Variants in TAB3 observed in about 807,000 individuals in gnomAD.
The protein encoded by TAB3 is TGF-beta activated kinase 1 (MAP3K7) binding protein 3, also known as TGF-beta-activated kinase 1 and MAP3K7-binding protein 3.
A neutral mutation model predicts 48.1 loss-of-function variants in TAB3; 18 were observed. The observed-to-expected ratio is 0.37, with a 90% confidence interval of 0.26 to 0.55. TAB3 has a LOEUF of 0.55. Ranked by LOEUF, TAB3 falls within the 20% of genes least tolerant of loss-of-function variation. The probability of loss-of-function intolerance (pLI) is 0.78; values close to 1 mark genes in which losing one functional copy is unlikely to be tolerated. For synonymous variants in TAB3, 185 were observed against 190.2 expected (o/e 0.97, Z 0.22); for missense variants, 414 against 549.8 (o/e 0.75, Z 2.47).
At chrX:30,831,884 AAG>A (rs956319293) in intron 10 of TAB3, among the ~76,000 whole-genome samples, 4 of 112,087 alleles carry the variant, frequency 3.6e-5, no homozygotes, top group Non-Finnish European at 7.5e-5. Context: ...AATGAAGAAA[AAG>A]AGAAATGTTT....
chrX:30,839,974 A>T (rs1051001647), intron 9 of TAB3, among the ~76,000 whole-genome samples: 12 of 102,452 alleles, frequency 1.2e-4, no homozygotes, highest in Non-Finnish European at 2.4e-4. Context: ...ACACTTACTA[A>T]TATTTACTGT....
chrX:30,841,298 C>T (rs954900914), intron 9 of TAB3, among the ~76,000 whole-genome samples: 2 of 110,381 alleles, frequency 1.8e-5, no homozygotes, highest in South Asian at 7.8e-4. Context: ...GTGGGTAATC[C>T]CAGCTACTTG....
chrX:30,831,546 G>A lies in TAB3; in HGVS notation c.2020C>T (p.Arg674Trp), dbSNP rs374974237. The A allele has an allele frequency of 9.2e-5, 111 of 1,209,238 alleles. No individual in the cohort carries two copies. Among genetic ancestry groups the A allele is most frequent in the Middle Eastern group, 2.3e-4 (1 of 4,352 alleles). ...TAGTCTTCATCTCGAGGTTGTGTCC[G>A]AGGACTTTGTGTGGAGCCAGTTCGA... ...EHRTGSTQSP[R>W]TQPRDEDYEG... Residue 674 changes from arginine to tryptophan, a missense_variant, in exon 11 of 11, where the codon CGG becomes TGG. Arg to Trp is a moderately radical substitution (Grantham distance 101, BLOSUM62 -3). Coordinates refer to ENST00000288422, the MANE Select transcript of TAB3 (RefSeq NM_152787.5).
At chrX:30,858,782 TTC>T (rs1010372732) in intron 5 of TAB3, among the ~76,000 whole-genome samples, 1 of 111,857 alleles carries the variant, frequency 8.9e-6, no homozygotes, top group African/African-American at 3.3e-5. Context: ...GTAGGCCAAC[TTC>T]TCTGTTTGTT....
chrX:30,868,592 G>T (rs866141487), intron 2 of TAB3, among the ~76,000 whole-genome samples: 4 of 61,525 alleles, frequency 6.5e-5, no homozygotes, highest in East Asian at 4.8e-4. Context: ...TATATAGAGA[G>T]AGAGAGAGAG....
rs1338563234 is a variant in TAB3, at chrX:30,830,592, A to C, written c.*835T>G. On this transcript the variant is annotated 3_prime_UTR_variant, in exon 11 of 11. Coordinates refer to ENST00000288422, the MANE Select transcript of TAB3 (RefSeq NM_152787.5). ...CAAAGCGCAGTTTTACGAGAATATC[A>C]TTTATAAAATCATACTTTGTAAGGA... 1 of 112,544 alleles carries C rather than the reference A, an allele frequency of 8.9e-6. No individual in the cohort carries two copies. Among genetic ancestry groups the C allele is most frequent in the East Asian group, 2.8e-4 (1 of 3,591 alleles). The allele number at this position is 112,544 out of a possible 1,213,427, so 9.3% of individuals were successfully genotyped here.
At chrX:30,873,673 G>A (rs1033698493) in intron 1 of TAB3, among the ~76,000 whole-genome samples, 13 of 111,639 alleles carry the variant, frequency 1.2e-4, no homozygotes, top group Non-Finnish European at 1.9e-5. Context: ...AGATGACAAC[G>A]ATGAAGACCT....
At chrX:30,860,723 C>A (rs1223614505) in intron 4 of TAB3, among the ~76,000 whole-genome samples, 2 of 111,767 alleles carry the variant, frequency 1.8e-5, no homozygotes, top group Admixed American at 1.9e-4. Flanking sequence ...TGATCCTGAT[C>A]CTATACTAAA....
chrX:30,850,791 T>TC (rs1461124518), intron 7 of TAB3, among the ~76,000 whole-genome samples: 1 of 107,642 alleles, frequency 9.3e-6, no homozygotes, highest in Admixed American at 9.9e-5. Flanking sequence ...TTTTCTTTTT[T>TC]TTTTTTTTAG....
Position 30,859,671 on chromosome X carries a change from G to A in TAB3, c.-83C>T. ...AAAGTAATGATCTTCTAGCACCACA[G>A]TCATTTTCTATTTAAAAAAAAAAAA... is the stretch of plus-strand genomic sequence containing the variant. On this transcript the variant is annotated 5_prime_UTR_variant, in exon 5 of 11. Transcript: ENST00000288422. 1 of 543,700 alleles carries A rather than the reference G, an allele frequency of 1.8e-6. No homozygotes were observed. The highest frequency in any genetic ancestry group is 2.9e-6 in the Non-Finnish European group (1 of 343,280). 44.8% of individuals were successfully genotyped at this position (543,700 alleles called of 1,213,427 possible).
intron 7 of TAB3, among the ~76,000 whole-genome samples, chrX:30,848,386 G>A (rs888039159): frequency 9.9e-5 from 11 of 111,580 alleles, no homozygotes; most frequent in African/African-American, 3.6e-4. Context: ...GCTGGGCGTG[G>A]TGGTGCGTGC....
chrX:30,841,997 C>T (rs750986236), intron 9 of TAB3, among the ~76,000 whole-genome samples: 4 of 112,126 alleles, frequency 3.6e-5, no homozygotes, highest in South Asian at 3.7e-4. Context: ...TTAGTAGAGA[C>T]GGGGTTTTGC....
At chrX:30,839,636 G>A (rs1036492205) in intron 9 of TAB3, among the ~76,000 whole-genome samples, 2 of 109,911 alleles carry the variant, frequency 1.8e-5, no homozygotes, top group South Asian at 3.8e-4. Context: ...TGTTACAAAC[G>A]TACCACTCTG....
chrX:30,828,182 A>AAAT lies in TAB3; in HGVS notation c.*3242_*3244dup, dbSNP rs1937939533. 8.8e-6 allele frequency: 1 copy of AAAT among 113,430 alleles called. No individual in the cohort carries two copies. The highest frequency in any genetic ancestry group is 3.2e-5 in the African/African-American group (1 of 30,963). The allele number at this position is 113,430 out of a possible 1,213,427, so 9.3% of individuals were successfully genotyped here. ...ATATTCTTTTTGTTTATACTGTCAGAAATACATTACAATTACCTCTTAAAA... is the reference window on the plus strand; with the variant it reads ...ATATTCTTTTTGTTTATACTGTCAGAAATAATACATTACAATTACCTCTTAAAA... On this transcript the variant is annotated 3_prime_UTR_variant, in exon 11 of 11. Coordinates refer to ENST00000288422, the MANE Select transcript of TAB3 (RefSeq NM_152787.5).
At position 30,831,440 on chromosome X, in the gene TAB3, G is replaced by A. The variant is rs779977430; in HGVS notation, c.2126C>T (p.Pro709Leu). Residue 709 changes from proline to leucine, a missense_variant, in exon 11 of 11, where the codon CCA becomes CTA. By Grantham distance (98) the Pro-to-Leu change is moderately conservative. Transcript: ENST00000288422. ...ACTTTTCTGAATTCAGGTGTACCGT[G>A]GCATCTCGCACTGCTCACAGCGATT... ...ALNRCEQCEM[P>L]RYT 8.3e-7 allele frequency: 1 copy of A among 1,208,713 alleles called. No individual in the cohort carries two copies. The highest frequency in any genetic ancestry group is 1.1e-6 in the Non-Finnish European group (1 of 894,183).
intron 1 of TAB3, among the ~76,000 whole-genome samples, chrX:30,878,085 C>T (rs1031062731): frequency 1.3e-4 from 15 of 112,343 alleles, no homozygotes; most frequent in Non-Finnish European, 2.8e-4. Context: ...AACAATATAA[C>T]GAACTAAATT....
At position 30,867,917 on chromosome X, in the gene TAB3, A is replaced by ATT. The variant is rs773901517; in HGVS notation, c.-279-370_-279-369dup. On this transcript the variant is annotated intron_variant, in intron 2 of 10. Transcript: ENST00000288422. ...CCCAGGCCTATGAAGCATGCATATA[A>ATT]TTTTTTTTTTTTTTTTTGAGACAGG... Among the ~76,000 whole-genome samples, 788 of 97,520 alleles carry ATT rather than the reference A, an allele frequency of 8.1e-3. 6 individuals are homozygous for ATT. Among genetic ancestry groups the ATT allele is most frequent in the African/African-American group, 0.024 (650 of 26,909 alleles). The allele number at this position is 97,520 out of a possible 115,157, so 84.7% of individuals were successfully genotyped here.
intron 7 of TAB3, among the ~76,000 whole-genome samples, chrX:30,850,660 C>T (rs1938804081): frequency 9.4e-6 from 1 of 106,101 alleles, no homozygotes; most frequent in African/African-American, 3.5e-5. Flanking sequence ...TGCCGTGAGC[C>T]GAGATCACGC....
At position 30,852,945 on chromosome X, in the gene TAB3, C is replaced by T. The variant is rs769763624; in HGVS notation, c.1550-7G>A. 8.3e-7 allele frequency: 1 copy of T among 1,206,286 alleles called. No individual in the cohort carries two copies. The highest frequency in any genetic ancestry group is 1.8e-5 in the South Asian group (1 of 56,712). Reference sequence around the variant, plus strand: ...CGTTGATGTAACAGCAAGGCTACAGCATTATAGATAATGTCATTGCAGAGA... The same window carrying T: ...CGTTGATGTAACAGCAAGGCTACAGTATTATAGATAATGTCATTGCAGAGA... On this transcript the variant is annotated splice_polypyrimidine_tract_variant and splice_region_variant and intron_variant, in intron 6 of 10. Coordinates refer to ENST00000288422, the MANE Select transcript of TAB3 (RefSeq NM_152787.5).
Sources: gnomAD v4.1 joint callset for allele counts (sites outside exome capture counted in the v4.1 genomes callset) on GRCh38, gnomAD v4.1.1 for gene constraint, MANE v1.5 for transcripts, NCBI Gene and HGNC (gene_info 2026-07-23, HGNC 2026-07-21) for gene names.